Variants in GLUD2 observed in about 807,000 individuals in gnomAD.
GLUD2 encodes glutamate dehydrogenase 2, also known as glutamate dehydrogenase 2, mitochondrial.
GLUD2 carries 11 observed loss-of-function variants against 16.2 expected under a neutral mutation model. The ratio of observed to expected loss-of-function variants is 0.68; its 90% CI spans 0.43 to 1.13. GLUD2 has a LOEUF of 1.13. Among genes scored for constraint, GLUD2 ranks in the 50% most tolerant of loss-of-function variants. GLUD2 has a pLI of 0.00. For synonymous variants in GLUD2, 147 were observed against 181.9 expected, an observed-to-expected ratio of 0.81 and a Z score of 1.55; for missense variants, 360 against 456.4, an observed-to-expected ratio of 0.79 and a Z score of 1.93.
In GLUD2 at chrX:121,049,530, A is replaced by G. The variant is rs751301600; in HGVS notation, c.*169A>G. The G allele has an allele frequency of 5.6e-6, 3 of 538,041 alleles. No homozygotes were observed. The highest frequency in any genetic ancestry group is 3.3e-5 in the East Asian group (1 of 29,942). 44.3% of individuals were successfully genotyped at this position (538,041 alleles called of 1,213,427 possible). The stretch of plus-strand genomic sequence containing the variant: ...GCCCGTTAAGGAGAAAGAAATTAAT[A>G]TACAAGCTGAGTGTGAAAGTAGAAA... On this transcript the variant is annotated 3_prime_UTR_variant, in exon 1 of 1. Coordinates refer to ENST00000328078, the MANE Select transcript of GLUD2 (RefSeq NM_012084.4).
Position 121,048,829 on chromosome X carries a change from C to G in GLUD2, c.1145C>G (p.Ala382Gly). The change falls in exon 1 of 1, where the codon GCT becomes GGT. Residue 382 changes from alanine (A) to glycine (G), a missense_variant. By Grantham distance (60) the Ala-to-Gly change is moderately conservative (BLOSUM62 0). Coordinates refer to ENST00000328078, the MANE Select transcript of GLUD2 (RefSeq NM_012084.4). ...GTCGACTGTGACATACTGATCCCAG[C>G]TGCCACTGAGAAGCAGTTGACCAAA... Reference protein sequence around the residue: ...LEVDCDILIPAATEKQLTKSN... With the variant: ...LEVDCDILIPGATEKQLTKSN... The G allele has an allele frequency of 8.3e-7, 1 of 1,211,936 alleles. No homozygotes were observed.
In GLUD2 at chrX:121,049,528, A is replaced by G. The variant is rs921212939; in HGVS notation, c.*167A>G. The G allele has an allele frequency of 3.7e-6, 2 of 543,825 alleles. No individual in the cohort carries two copies. The highest frequency in any genetic ancestry group is 6.6e-6 in the Non-Finnish European group (2 of 303,723). The allele number at this position is 543,825 out of a possible 1,213,427, so 44.8% of individuals were successfully genotyped here. A position where few individuals can be genotyped will look rare whatever the true frequency, so the allele number is the denominator to read the frequency against. ...CAGCCCGTTAAGGAGAAAGAAATTAATATACAAGCTGAGTGTGAAAGTAGA... is the reference window on the plus strand; with the variant it reads ...CAGCCCGTTAAGGAGAAAGAAATTAGTATACAAGCTGAGTGTGAAAGTAGA... On this transcript the variant is annotated 3_prime_UTR_variant, in exon 1 of 1. Coordinates refer to ENST00000328078, the MANE Select transcript of GLUD2 (RefSeq NM_012084.4).
In GLUD2 at chrX:121,049,726, G is replaced by A. The variant is rs1425301307; in HGVS notation, c.*365G>A. 1 of 246,697 alleles carries A rather than the reference G, an allele frequency of 4.1e-6. No individual in the cohort carries two copies. Among genetic ancestry groups the A allele is most frequent in the Non-Finnish European group, 7.6e-6 (1 of 131,713 alleles). 20.3% of individuals were successfully genotyped at this position (246,697 alleles called of 1,213,427 possible). A position where few individuals can be genotyped will look rare whatever the true frequency, so the allele number is the denominator to read the frequency against. On this transcript the variant is annotated 3_prime_UTR_variant, in exon 1 of 1. Transcript: ENST00000328078. ...ACTTATTTTGCTCTGGATGAGTCTG[G>A]GACACGCTGTAACTTTAACACATTT...
rs1925372039 is a variant in GLUD2, at chrX:121,047,641, C to T, written c.-44C>T. On this transcript the variant is annotated 5_prime_UTR_variant, in exon 1 of 1. Coordinates refer to ENST00000328078, the MANE Select transcript of GLUD2 (RefSeq NM_012084.4). ...TAGTCGCGGGGAGTCTGAGAAAGCG[C>T]ACCTGTTCCGCGACCGTCACGCACC... 5 of 910,185 alleles carry T rather than the reference C, an allele frequency of 5.5e-6. No homozygotes were observed. The highest frequency in any genetic ancestry group is 7.2e-6 in the Non-Finnish European group (5 of 698,510). 75.0% of individuals were successfully genotyped at this position (910,185 alleles called of 1,213,427 possible).
At position 121,049,732 on chromosome X, in the gene GLUD2, G is replaced by T; in HGVS notation, c.*371G>T. The stretch of plus-strand genomic sequence containing the variant: ...TTTGCTCTGGATGAGTCTGGGACAC[G>T]CTGTAACTTTAACACATTTAAGAAG... On this transcript the variant is annotated 3_prime_UTR_variant, in exon 1 of 1. Coordinates refer to ENST00000328078, the MANE Select transcript of GLUD2 (RefSeq NM_012084.4). 1 of 233,521 alleles carries T rather than the reference G, an allele frequency of 4.3e-6. No homozygotes were observed. Among genetic ancestry groups the T allele is most frequent in the Non-Finnish European group, 8.1e-6 (1 of 122,826 alleles). 19.2% of individuals were successfully genotyped at this position (233,521 alleles called of 1,213,427 possible). A position where few individuals can be genotyped will look rare whatever the true frequency, so the allele number is the denominator to read the frequency against.
In GLUD2 at chrX:121,048,617, T is replaced by C. The variant is rs1925417764; in HGVS notation, c.933T>C (p.Asn311=). 8.3e-7 allele frequency: 1 copy of C among 1,211,579 alleles called. No individual in the cohort carries two copies. The highest frequency in any genetic ancestry group is 3.0e-5 in the East Asian group (1 of 33,859). Residue 311 remains asparagine, a synonymous_variant, in exon 1 of 1, where the codon AAT becomes AAC. Coordinates refer to ENST00000328078, the MANE Select transcript of GLUD2 (RefSeq NM_012084.4). The part of the protein sequence containing the change: ...DKTFVVQGFG[N]VGLHSMRYLH... ...CATTTGTTGTTCAGGGATTTGGTAA[T>C]GTGGGCCTACACTCTATGAGATATT...
rs1420658568 is a variant in GLUD2, at chrX:121,048,790, G to A, written c.1106G>A (p.Gly369Glu). ...TTCCCCAAGGCAAAGCCCTATGAAGGAAGCATCTTGGAGGTCGACTGTGAC... is the reference window on the plus strand; with the variant it reads ...TTCCCCAAGGCAAAGCCCTATGAAGAAAGCATCTTGGAGGTCGACTGTGAC... ...LGFPKAKPYE[G>E]SILEVDCDIL... The change falls in exon 1 of 1, where the codon GGA (glycine) becomes GAA (glutamate). Residue 369 changes from glycine (G) to glutamate (E), a missense_variant. Coordinates refer to ENST00000328078, the MANE Select transcript of GLUD2 (RefSeq NM_012084.4). 3 of 1,211,750 alleles carry A rather than the reference G, an allele frequency of 2.5e-6. No individual in the cohort carries two copies. The highest frequency in any genetic ancestry group is 5.9e-5 in the East Asian group (2 of 33,836).
rs777756876 is a variant in GLUD2, at chrX:121,048,995, A to G, written c.1311A>G (p.Val437=). The G allele has an allele frequency of 2.3e-5, 28 of 1,209,897 alleles. No individual in the cohort carries two copies. The highest frequency in any genetic ancestry group is 3.5e-5 in the South Asian group (2 of 56,809). ...DLYLNAGGVT[V]SYFEWLKNLN... is the part of the protein sequence containing the mutation. ...ACTTGAATGCTGGAGGAGTGACAGT[A>G]TCTTACTTTGAGTGGCTGAAGAATC... is the stretch of plus-strand genomic sequence containing the variant. Residue 437 remains valine, a synonymous_variant, in exon 1 of 1, where the codon GTA becomes GTG. Coordinates refer to ENST00000328078, the MANE Select transcript of GLUD2 (RefSeq NM_012084.4).
Position 121,048,756 on chromosome X carries a change from A to T in GLUD2, c.1072A>T (p.Ile358Phe), listed in dbSNP as rs199542429. The change falls in exon 1 of 1, where the codon ATT (isoleucine) becomes TTT (phenylalanine). Residue 358 changes from isoleucine to phenylalanine, a missense_variant. Around this residue, in one of 3 missense-constraint regions of GLUD2, gnomAD observed 279 missense variants for 352.9 expected, o/e 0.79. Coordinates refer to ENST00000328078, the MANE Select transcript of GLUD2 (RefSeq NM_012084.4). ...LEDFKLQHGSILGFPKAKPYE... is the reference protein window; with the variant it reads ...LEDFKLQHGSFLGFPKAKPYE... The stretch of plus-strand genomic sequence containing the variant: ...AGACTTCAAATTGCAACATGGGTCC[A>T]TTCTGGGCTTCCCCAAGGCAAAGCC... The T allele has an allele frequency of 8.3e-7, 1 of 1,209,468 alleles. No individual in the cohort carries two copies. The highest frequency in any genetic ancestry group is 1.1e-6 in the Non-Finnish European group (1 of 895,091).
rs1925463356 is a variant in GLUD2, at chrX:121,049,701, A to T, written c.*340A>T. 6.7e-6 allele frequency: 2 copies of T among 300,206 alleles called. No individual in the cohort carries two copies. The highest frequency in any genetic ancestry group is 5.3e-5 in the Admixed American group (1 of 18,968). The allele number at this position is 300,206 out of a possible 1,213,427, so 24.7% of individuals were successfully genotyped here. A position where few individuals can be genotyped will look rare whatever the true frequency, so the allele number is the denominator to read the frequency against. On this transcript the variant is annotated 3_prime_UTR_variant, in exon 1 of 1. Coordinates refer to ENST00000328078, the MANE Select transcript of GLUD2 (RefSeq NM_012084.4). ...GACAGTCAAGAGCAGTCAGTTGCTT[A>T]CTTATTTTGCTCTGGATGAGTCTGG...
In GLUD2 at chrX:121,049,264, A is replaced by G; in HGVS notation, c.1580A>G (p.Lys527Arg). The change falls in exon 1 of 1, where the codon AAG becomes AGG. Residue 527 changes from lysine to arginine, a missense_variant. Coordinates refer to ENST00000328078, the MANE Select transcript of GLUD2 (RefSeq NM_012084.4). ...AGGCAAATTATGCACACAGCCATGA[A>G]GTATAACCTGGGATTGGACCTGAGA... The part of the protein sequence containing the change: ...SARQIMHTAM[K>R]YNLGLDLRTA... 4.1e-6 allele frequency: 5 copies of G among 1,211,482 alleles called. No individual in the cohort carries two copies. The highest frequency in any genetic ancestry group is 4.5e-6 in the Non-Finnish European group (4 of 895,151).
chrX:121,048,149 T>C lies in GLUD2; in HGVS notation c.465T>C (p.Asp155=), dbSNP rs775101677. The C allele has an allele frequency of 8.3e-7, 1 of 1,211,666 alleles. No individual in the cohort carries two copies. Among genetic ancestry groups the C allele is most frequent in the Non-Finnish European group, 1.1e-6 (1 of 895,527 alleles). ...PCKGGIRYST[D]VSVDEVKALA... is the part of the protein sequence containing the mutation. ...AGGGAGGTATCCGTTACAGCACTGA[T>C]GTGAGTGTAGATGAAGTAAAAGCTT... is the stretch of plus-strand genomic sequence containing the variant. The change falls in exon 1 of 1, where the codon GAT becomes GAC. Residue 155 remains aspartate (D), a synonymous_variant. Transcript: ENST00000328078.
Position 121,047,682 on chromosome X carries a change from G to T in GLUD2, c.-3G>T. The T allele has an allele frequency of 9.3e-7, 1 of 1,074,470 alleles. No individual in the cohort carries two copies. The highest frequency in any genetic ancestry group is 2.6e-5 in the South Asian group (1 of 38,716). The allele number at this position is 1,074,470 out of a possible 1,213,427, so 88.5% of individuals were successfully genotyped here. On this transcript the variant is annotated 5_prime_UTR_variant, in exon 1 of 1. Transcript: ENST00000328078. ...GTCACGCACCCCTCCTCCGCCTGCC[G>T]CGATGTACCGCTACCTGGCCAAAGC...
rs771087795 is a variant in GLUD2 at position 121,048,056 on chromosome X, C to A, written c.372C>A (p.Arg124=). The part of the protein sequence containing the change: ...HVLSLSFPIR[R]DDGSWEVIEG... ...TGAGTCTCTCCTTCCCCATCCGGCG[C>A]GACGACGGCTCCTGGGAGGTCATCG... Residue 124 remains arginine, a synonymous_variant, in exon 1 of 1, where the codon CGC becomes CGA. Coordinates refer to ENST00000328078, the MANE Select transcript of GLUD2 (RefSeq NM_012084.4). 1.7e-5 allele frequency: 21 copies of A among 1,210,097 alleles called. No homozygotes were observed. In the African/African-American group the frequency reaches 2.3e-4, roughly 13 times the overall value.
Position 121,048,992 on chromosome X carries a change from A to T in GLUD2, c.1308A>T (p.Thr436=). Residue 436 remains threonine (T), a synonymous_variant, in exon 1 of 1, where the codon ACA becomes ACT. Transcript: ENST00000328078. ...TCTACTTGAATGCTGGAGGAGTGAC[A>T]GTATCTTACTTTGAGTGGCTGAAGA... ...PDLYLNAGGV[T]VSYFEWLKNL... 8.3e-7 allele frequency: 1 copy of T among 1,211,354 alleles called. No individual in the cohort carries two copies. The highest frequency in any genetic ancestry group is 3.0e-5 in the East Asian group (1 of 33,860).
chrX:121,049,063 G>A lies in GLUD2; in HGVS notation c.1379G>A (p.Arg460Lys). 6 of 1,211,953 alleles carry A rather than the reference G, an allele frequency of 5.0e-6. No homozygotes were observed. Among genetic ancestry groups the A allele is most frequent in the Non-Finnish European group, 5.6e-6 (5 of 895,523 alleles). Residue 460 changes from arginine to lysine, a missense_variant, in exon 1 of 1, where the codon AGG (arginine) becomes AAG (lysine). This residue lies in a region of GLUD2 where 279 missense variants were observed against 352.9 expected (regional missense o/e 0.79). Transcript: ENST00000328078. ...SYGRLTFKYE[R>K]DSNYHLLLSV... is the part of the protein sequence containing the mutation. ...GGCCGTTTGACCTTCAAATATGAAAGGGATTCTAACTACCACTTGCTCCTG... is the reference window on the plus strand; with the variant it reads ...GGCCGTTTGACCTTCAAATATGAAAAGGATTCTAACTACCACTTGCTCCTG...
At position 121,048,646 on chromosome X, in the gene GLUD2, A is replaced by G. The variant is rs1925419142; in HGVS notation, c.962A>G (p.His321Arg). The change falls in exon 1 of 1, where the codon CAT (histidine) becomes CGT (arginine). Residue 321 changes from histidine (H) to arginine (R), a missense_variant. Physicochemically the swap from His to Arg is conservative, Grantham distance 29. This residue lies in a region of GLUD2 where 279 missense variants were observed against 352.9 expected (regional missense o/e 0.79). Transcript: ENST00000328078. ...GGCCTACACTCTATGAGATATTTACATCGTTTTGGTGCTAAATGTATTGCT... is the reference window on the plus strand; with the variant it reads ...GGCCTACACTCTATGAGATATTTACGTCGTTTTGGTGCTAAATGTATTGCT... ...NVGLHSMRYL[H>R]RFGAKCIAVG... 1 of 1,209,496 alleles carries G rather than the reference A, an allele frequency of 8.3e-7. No homozygotes were observed. The highest frequency in any genetic ancestry group is 1.1e-6 in the Non-Finnish European group (1 of 894,549).
In GLUD2 at chrX:121,049,605, C is replaced by T; in HGVS notation, c.*244C>T. 2.3e-6 allele frequency: 1 copy of T among 431,806 alleles called. No individual in the cohort carries two copies. The highest frequency in any genetic ancestry group is 4.2e-6 in the Non-Finnish European group (1 of 240,672). The allele number at this position is 431,806 out of a possible 1,213,427, so 35.6% of individuals were successfully genotyped here. A position where few individuals can be genotyped will look rare whatever the true frequency, so the allele number is the denominator to read the frequency against. ...GGTATTTTGCCTTTAAATAAAAAGC[C>T]TCCTCCATATGGCTGTGCAGCCTTG... On this transcript the variant is annotated 3_prime_UTR_variant, in exon 1 of 1. Transcript: ENST00000328078.
Position 121,047,914 on chromosome X carries a change from G to T in GLUD2, c.230G>T (p.Gly77Val). ...FKMVEGFFDRGASIVEDKLVK... is the reference protein window; with the variant it reads ...FKMVEGFFDRVASIVEDKLVK... ...ATGGTGGAGGGCTTCTTCGATCGCGGCGCCAGCATCGTGGAGGACAAGTTG... is the reference window on the plus strand; with the variant it reads ...ATGGTGGAGGGCTTCTTCGATCGCGTCGCCAGCATCGTGGAGGACAAGTTG... The change falls in exon 1 of 1, where the codon GGC (glycine) becomes GTC (valine). Residue 77 changes from glycine to valine, a missense_variant. By Grantham distance (109) the Gly-to-Val change is moderately radical. Around this residue, in one of 3 missense-constraint regions of GLUD2, gnomAD observed 23 missense variants for 53.7 expected, o/e 0.43. Coordinates refer to ENST00000328078, the MANE Select transcript of GLUD2 (RefSeq NM_012084.4). 1 of 1,211,281 alleles carries T rather than the reference G, an allele frequency of 8.3e-7. No homozygotes were observed. The highest frequency in any genetic ancestry group is 1.1e-6 in the Non-Finnish European group (1 of 895,612).
Sources: allele counts gnomAD v4.1 joint callset, GRCh38; gene constraint gnomAD v4.1.1; regional missense constraint gnomAD v4.1.1; transcripts MANE v1.5; gene names NCBI Gene and HGNC (gene_info 2026-07-23, HGNC 2026-07-21).